ADGRL2: variants seen among roughly 807,000 people sequenced by gnomAD.
ADGRL2 encodes adhesion G protein-coupled receptor L2.
Under a neutral mutation model 157.4 loss-of-function variants are expected in ADGRL2, and 44 were observed. That is an observed-to-expected ratio of 0.28 (90% CI 0.22 to 0.36). ADGRL2 has a LOEUF of 0.36. ADGRL2 is among the 10% of genes least tolerant of loss of function. ADGRL2 has a pLI of 1.00. For missense variants in ADGRL2, 1,510 were observed against 1,768.9 expected (o/e 0.85, Z 2.63); for synonymous variants, 585 against 624.7 (o/e 0.94, Z 0.95).
chr1:81,687,077 C>G (rs1228241668), intron 3 of ADGRL2, among the ~76,000 whole-genome samples: 1 of 152,072 alleles, frequency 6.6e-6, no homozygotes, highest in Non-Finnish European at 1.5e-5. Context: ...GGAGAAAGTT[C>G]CATGTGCTGT....
At chr1:81,572,183 C>G (rs2080709170) in intron 2 of ADGRL2, among the ~76,000 whole-genome samples, 1 of 152,132 alleles carries the variant, frequency 6.6e-6, no homozygotes, top group East Asian at 1.9e-4. Flanking sequence ...AAGATAAGTT[C>G]CATTTAGTCA....
intron 1 of ADGRL2, among the ~76,000 whole-genome samples, chr1:81,422,211 T>G (rs946032850): frequency 5.9e-5 from 9 of 152,146 alleles, no homozygotes; most frequent in African/African-American, 1.9e-4. Context: ...ATAAATTATA[T>G]TATTTTAAGA....
At chr1:81,321,108 A>G (rs1370478679) in intron 1 of ADGRL2, among the ~76,000 whole-genome samples, 2 of 152,174 alleles carry the variant, frequency 1.3e-5, no homozygotes. Context: ...GTTTTATGTT[A>G]TGGAGATGGC....
chr1:81,607,374 T>C (rs902829783), intron 3 of ADGRL2, among the ~76,000 whole-genome samples: 4 of 152,154 alleles, frequency 2.6e-5, no homozygotes, highest in Non-Finnish European at 4.4e-5. Context: ...TTTAATCTAG[T>C]GGTAAAAGAG....
At chr1:81,962,831 G>GT (rs1264596737) in intron 11 of ADGRL2, among the ~76,000 whole-genome samples, 8 of 151,972 alleles carry the variant, frequency 5.3e-5, no homozygotes, top group Non-Finnish European at 7.4e-5. Context: ...TGCTGCTTTG[G>GT]TTTTTTCAGT....
intron 3 of ADGRL2, among the ~76,000 whole-genome samples, chr1:81,652,708 CA>C (rs2082446301): frequency 6.6e-6 from 1 of 152,008 alleles, no homozygotes; most frequent in African/African-American, 2.4e-5. Flanking sequence ...CTATATGAAA[CA>C]AATATGCAAC....
intron 2 of ADGRL2, among the ~76,000 whole-genome samples, chr1:81,462,615 T>C (rs986876337): frequency 5.9e-5 from 9 of 152,192 alleles, no homozygotes; most frequent in Admixed American, 3.9e-4. Context: ...GTCCGATTTT[T>C]ACTCAGTTAT....
intron 1 of ADGRL2, among the ~76,000 whole-genome samples, chr1:81,398,537 T>A (rs1023032235): frequency 6.6e-6 from 1 of 152,210 alleles, no homozygotes; most frequent in African/African-American, 2.4e-5. Flanking sequence ...TCCTCCCATA[T>A]GTAGGACTGT....
chr1:81,464,778 TATC>T (rs1254248218), intron 2 of ADGRL2, among the ~76,000 whole-genome samples: 1 of 152,094 alleles, frequency 6.6e-6, no homozygotes, highest in Non-Finnish European at 1.5e-5. Context: ...CATACCTCAT[TATC>T]ATTTACCTTT....
intron 1 of ADGRL2, among the ~76,000 whole-genome samples, chr1:81,416,390 C>A (rs2077035497): frequency 6.6e-6 from 1 of 151,606 alleles, no homozygotes; most frequent in Non-Finnish European, 1.5e-5. Context: ...CTACCTCTTA[C>A]ATTAACAGAG....
At chr1:81,316,655 A>G (rs1660128027) in intron 1 of ADGRL2, among the ~76,000 whole-genome samples, 1 of 152,218 alleles carries the variant, frequency 6.6e-6, no homozygotes, top group Non-Finnish European at 1.5e-5. Context: ...GACAGAAGGC[A>G]TGTATTATAT....
intron 2 of ADGRL2, among the ~76,000 whole-genome samples, chr1:81,869,399 A>G (rs573741034): frequency 1.7e-4 from 26 of 152,250 alleles, no homozygotes; most frequent in South Asian, 2.1e-4. Flanking sequence ...ACTACAGTAT[A>G]AAGATACACA....
At chr1:81,629,066 A>G (rs2081962941) in intron 3 of ADGRL2, among the ~76,000 whole-genome samples, 1 of 152,174 alleles carries the variant, frequency 6.6e-6, no homozygotes, top group Non-Finnish European at 1.5e-5. Context: ...AATAGAATTT[A>G]TAGTGCAAGA....
intron 3 of ADGRL2, among the ~76,000 whole-genome samples, chr1:81,640,081 T>C (rs1187160539): frequency 6.6e-6 from 1 of 152,186 alleles, no homozygotes; most frequent in Non-Finnish European, 1.5e-5. Flanking sequence ...ATAATCATAG[T>C]AGTAGTCTCT....
At chr1:81,820,752 A>G (rs538311146) in intron 1 of ADGRL2, among the ~76,000 whole-genome samples, 1 of 152,216 alleles carries the variant, frequency 6.6e-6, no homozygotes, top group South Asian at 2.1e-4. Flanking sequence ...AAAAAACAAA[A>G]AACCCCACAA....
intron 1 of ADGRL2, among the ~76,000 whole-genome samples, chr1:81,312,438 T>C (rs1659820426): frequency 6.6e-6 from 1 of 152,122 alleles, no homozygotes; most frequent in Admixed American, 6.6e-5. Context: ...AAAAAGGAGT[T>C]TGGGGTTCAC....
At chr1:81,385,710 A>G (rs1331866245) in intron 1 of ADGRL2, among the ~76,000 whole-genome samples, 1 of 152,120 alleles carries the variant, frequency 6.6e-6, no homozygotes, top group Admixed American at 6.5e-5. Context: ...TGAACAATGC[A>G]TTGATAATGA....
In ADGRL2 at chr1:81,378,929, T is replaced by A. The variant is rs143273408; in HGVS notation, c.-301-66107T>A. On this transcript the variant is annotated intron_variant, in intron 1 of 24. Coordinates refer to the ADGRL2 transcript ENST00000370721. ...TTCAAGAGATGTTATTACTATTTTT[T>A]AAAAATTTTCTGCTGAAGTGATCAT... Among the ~76,000 whole-genome samples, 343 of 152,308 alleles carry A rather than the reference T, an allele frequency of 2.3e-3. 2 individuals carry two copies. The East Asian group carries it at 0.025, about 11-fold the overall frequency.
intron 2 of ADGRL2, among the ~76,000 whole-genome samples, chr1:81,890,673 G>A (rs2094238580): frequency 1.3e-5 from 2 of 152,196 alleles, no homozygotes; most frequent in African/African-American, 4.8e-5. Flanking sequence ...CACACATCAC[G>A]CAGGGGAAAT....
Sources: gnomAD v4.1 joint callset for allele counts (sites outside exome capture counted in the v4.1 genomes callset) on GRCh38, gnomAD v4.1.1 for gene constraint, MANE v1.5 for transcripts, NCBI Gene and HGNC (gene_info 2026-07-23, HGNC 2026-07-21) for gene names.